CTSB: variants seen among roughly 807,000 people sequenced by gnomAD.
CTSB encodes cathepsin B.
A neutral mutation model predicts 44.3 loss-of-function variants in CTSB; 57 were observed. That is an observed-to-expected ratio of 1.29 (90% CI 1.04 to 1.60). The LOEUF (loss-of-function observed/expected upper bound fraction) is 1.60. CTSB is among the 40% of genes most tolerant of loss of function. CTSB has a pLI of 0.00. For missense variants in CTSB, 768 were observed against 443.0 expected (o/e 1.73, Z -6.59); for synonymous variants, 320 against 168.0 (o/e 1.91, Z -7.00).
At chr8:11,855,433 G>C (rs138147019) in intron 1 of CTSB, among the ~76,000 whole-genome samples, 172 of 152,328 alleles carry the variant, frequency 1.1e-3, no homozygotes, top group African/African-American at 3.9e-3. Context: ...AAGGCAAGTG[G>C]ATCACTTGAG....
chr8:11,860,598 T>C (rs1274102278), intron 1 of CTSB, among the ~76,000 whole-genome samples: 1 of 152,082 alleles, frequency 6.6e-6, no homozygotes, highest in East Asian at 1.9e-4. Flanking sequence ...CACTCCACCT[T>C]GGGCAACAAG....
In CTSB at chr8:11,859,999, G is replaced by A. The variant is rs545672461; in HGVS notation, c.-25-6520C>T. Among the ~76,000 whole-genome samples, 32 of 151,738 alleles carry A rather than the reference G, an allele frequency of 2.1e-4. No individual in the cohort carries two copies. In the South Asian group the frequency reaches 6.5e-3, roughly 31 times the overall value. On this transcript the variant is annotated intron_variant, in intron 1 of 9. Transcript: ENST00000353047. The stretch of plus-strand genomic sequence containing the variant: ...AGGCAGGAAAATTGCTTGAACCCAG[G>A]AGGCAGAGGTTGCAGTGAGCCAAGA...
At position 11,842,639 on chromosome 8, in the gene CTSB, C is replaced by CT. The variant is rs879462974; in HGVS notation, c.*2485dup. The CT allele has an allele frequency of 5.0e-3, 721 of 144,918 alleles. 3 individuals are homozygous for CT. Among genetic ancestry groups the CT allele is most frequent in the East Asian group, 0.017 (87 of 5,026 alleles). 9.0% of individuals were successfully genotyped at this position (144,918 alleles called of 1,614,324 possible). ...ACCTTTGTTAAGCATCTTTCTTTTTCTTTTTTTTTTTGGTGAGACACAGAT... is the reference window on the plus strand; with the variant it reads ...ACCTTTGTTAAGCATCTTTCTTTTTCTTTTTTTTTTTTGGTGAGACACAGAT... On this transcript the variant is annotated 3_prime_UTR_variant, in exon 10 of 10. Transcript: ENST00000353047.
rs1161608226 is a variant in CTSB at position 11,847,293 on chromosome 8, T to G, written c.677-125A>C. ...AGACTGCATCTAAGGGGACTTGCCC[T>G]GCCAGGGGAGCTCAAGGAAGGCTCC... On this transcript the variant is annotated intron_variant, in intron 7 of 9. Coordinates refer to ENST00000353047, the MANE Select transcript of CTSB (RefSeq NM_001908.5). The G allele has an allele frequency of 5.8e-6, 4 of 693,302 alleles. No individual in the cohort carries two copies. In the East Asian group the frequency reaches 7.5e-5, roughly 13 times the overall value. 42.9% of individuals were successfully genotyped at this position (693,302 alleles called of 1,614,324 possible).
intron 4 of CTSB, chr8:11,850,160 C>G (rs1453135394): frequency 6.6e-6 from 1 of 152,152 alleles, no homozygotes; most frequent in Non-Finnish European, 1.5e-5. Flanking sequence ...GTGGCTCACG[C>G]CTGTAATCCC....
At chr8:11,847,579 C>G in intron 7 of CTSB, 100 bp downstream of exon 7, 6 of 1,353,196 alleles carry the variant, frequency 4.4e-6, no homozygotes, top group East Asian at 2.5e-5. Context: ...TTCCGGGACC[C>G]CAAGGCTCCT....
intron 1 of CTSB, among the ~76,000 whole-genome samples, chr8:11,863,288 G>A (rs890257307): frequency 2.6e-5 from 4 of 152,016 alleles, no homozygotes; most frequent in African/African-American, 9.7e-5. Context: ...GTGACATCCC[G>A]TCTCTACTAA....
At chr8:11,851,521 C>T (rs961243131) in intron 3 of CTSB, among the ~76,000 whole-genome samples, 1 of 151,900 alleles carries the variant, frequency 6.6e-6, no homozygotes, top group South Asian at 2.1e-4. Flanking sequence ...TCTTTCTAGG[C>T]TTATGTAATG....
intron 5 of CTSB, chr8:11,848,564 A>AT (rs908474546): frequency 1.2e-4 from 42 of 340,856 alleles, no homozygotes; most frequent in Non-Finnish European, 1.9e-4. Flanking sequence ...AAGCCCATGC[A>AT]TTTTTTTAAG....
chr8:11,848,346 G>A (rs747165617), intron 5 of CTSB, 194 bp from the exon 6 acceptor site: 8 of 683,464 alleles, frequency 1.2e-5, no homozygotes, highest in South Asian at 4.5e-5. Flanking sequence ...GGGAATAACC[G>A]CCAGCCCCAC....
rs13332 is a variant in CTSB at position 11,849,072 on chromosome 8, T to G, written c.420A>C (p.Thr140=). The change falls in exon 5 of 10, where the codon ACA becomes ACC. Residue 140 remains threonine (T), a synonymous_variant. Coordinates refer to ENST00000353047, the MANE Select transcript of CTSB (RefSeq NM_001908.5). The part of the protein sequence containing the change: ...SVEVSAEDLL[T]CCGSMCGDGC... ...CGTCCCCACACATGCTGCCACAGCA[T>G]GTGAGCAGGTCCTCCGCCGACACCT... The G allele has an allele frequency of 0.6, 963,369 of 1,612,166 alleles. 289,719 individuals are homozygous for G. Among genetic ancestry groups the G allele is most frequent in the Non-Finnish European group, 0.62 (727,089 of 1,178,960 alleles).
Position 11,849,568 on chromosome 8 carries a change from G to T in CTSB, c.328-404C>A, listed in dbSNP as rs568189700. 1.7e-3 allele frequency: 238 copies of T among 136,368 alleles called. 1 individual carries two copies. Among genetic ancestry groups the T allele is most frequent in the African/African-American group, 6.2e-3 (232 of 37,252 alleles). 8.4% of individuals were successfully genotyped at this position (136,368 alleles called of 1,614,324 possible). A position where few individuals can be genotyped will look rare whatever the true frequency, so the allele number is the denominator to read the frequency against. The stretch of plus-strand genomic sequence containing the variant: ...CAAAATGTGTAGTATTAGTTTGTAT[G>T]TGTGTGTGTGGTTTTTTTTTTTTTT... On this transcript the variant is annotated intron_variant, in intron 4 of 9. Coordinates refer to ENST00000353047, the MANE Select transcript of CTSB (RefSeq NM_001908.5).
intron 1 of CTSB, among the ~76,000 whole-genome samples, chr8:11,856,022 C>T (rs1243378337): frequency 6.6e-6 from 1 of 151,584 alleles, no homozygotes; most frequent in Non-Finnish European, 1.5e-5. Flanking sequence ...TGAGACTCTG[C>T]CTCAAAAATA....
chr8:11,849,720 A>G (rs1814199508), intron 4 of CTSB: 1 of 152,258 alleles, frequency 6.6e-6, no homozygotes, highest in African/African-American at 2.4e-5. Flanking sequence ...AGCTGGGATT[A>G]TAGGTGCCTG....
At chr8:11,856,805 C>T (rs1053591202) in intron 1 of CTSB, among the ~76,000 whole-genome samples, 4 of 151,316 alleles carry the variant, frequency 2.6e-5, no homozygotes, top group African/African-American at 7.3e-5. Context: ...GCACGGCAGT[C>T]GGTCACTACG....
chr8:11,852,866 G>C (rs1325642354), intron 2 of CTSB, among the ~76,000 whole-genome samples, 171 bp from the exon 3 acceptor site: 3 of 152,178 alleles, frequency 2.0e-5, no homozygotes, highest in Non-Finnish European at 4.4e-5. Flanking sequence ...GGCAGAGTGG[G>C]TGTCTCCCCT....
chr8:11,853,638 C>T lies in CTSB; in HGVS notation c.-25-159G>A, dbSNP rs1431631421. 5 of 700,338 alleles carry T rather than the reference C, an allele frequency of 7.1e-6. No individual in the cohort carries two copies. In the East Asian group the frequency reaches 1.5e-4, roughly 21 times the overall value. The allele number at this position is 700,338 out of a possible 1,614,324, so 43.4% of individuals were successfully genotyped here. On this transcript the variant is annotated intron_variant, in intron 1 of 9. Transcript: ENST00000353047. ...CTGAGGTGTCTATGGGATCCCCGCC[C>T]CCCTGCCCGAAGCACGCCATGACCT...
intron 2 of CTSB, 139 bp downstream of exon 2, chr8:11,853,190 C>G (rs1181429144): frequency 2.5e-6 from 3 of 1,216,018 alleles, no homozygotes; most frequent in Non-Finnish European, 3.5e-6. Context: ...GCCGACATGA[C>G]TCAGGGTCAG....
chr8:11,850,908 G>C lies in CTSB; in HGVS notation c.285C>G (p.Thr95=). The C allele has an allele frequency of 6.2e-7, 1 of 1,613,592 alleles. No individual in the cohort carries two copies. The part of the protein sequence containing the change: ...DAREQWPQCP[T]IKEIRDQGSC... ...AGCCCTGGTCTCTGATCTCTTTGAT[G>C]GTGGGACACTGTGGCCATTGTTCCC... Residue 95 remains threonine (T), a synonymous_variant, in exon 4 of 10, where the codon ACC becomes ACG. Transcript: ENST00000353047.
Sources: gnomAD v4.1 joint callset for allele counts (sites outside exome capture counted in the v4.1 genomes callset) on GRCh38, gnomAD v4.1.1 for gene constraint, MANE v1.5 for transcripts, NCBI Gene and HGNC (gene_info 2026-07-23, HGNC 2026-07-21) for gene names.